Variants in FAT1 observed in about 807,000 individuals in gnomAD.
FAT1 encodes the protein FAT atypical cadherin 1.
A neutral mutation model predicts 329.8 loss-of-function variants in FAT1; 171 were observed. That is an observed-to-expected ratio of 0.52 (90% CI 0.46 to 0.59). The LOEUF is 0.59. Among genes scored for constraint, FAT1 ranks in the 20% least tolerant of loss-of-function variants. The pLI is 0.00. For synonymous variants in FAT1, 2,233 were observed against 2,228.6 expected, an observed-to-expected ratio of 1.00 and a Z score of -0.06; for missense variants, 5,672 against 5,774.4, an observed-to-expected ratio of 0.98 and a Z score of 0.57.
At position 186,600,090 on chromosome 4, in the gene FAT1, T is replaced by G. The variant is rs772176849; in HGVS notation, c.11911A>C (p.Asn3971His). ...GAGTCCATACAACCCCTGAAACCAT[T>G]ACCAACTTGAGGACTTCTTCCATGC... ...TRHGRSPQVG[N>H]GFRGCMDSIY... The change falls in exon 22 of 27, where the codon AAT (asparagine) becomes CAT (histidine). Residue 3971 changes from asparagine (N) to histidine (H), a missense_variant. Asn to His is a moderately conservative substitution (Grantham distance 68). This residue lies in a region of FAT1 where 1,706 missense variants were observed against 1,859.1 expected (regional missense o/e 0.92). Coordinates refer to ENST00000441802, the MANE Select transcript of FAT1 (RefSeq NM_005245.4). The G allele has an allele frequency of 3.7e-6, 6 of 1,613,906 alleles. No homozygotes were observed. The African/African-American group carries it at 5.3e-5, about 14-fold the overall frequency.
chr4:186,707,715 C>A lies in FAT1; in HGVS notation c.2113G>T (p.Asp705Tyr), dbSNP rs200902471. 6.2e-7 allele frequency: 1 copy of A among 1,613,776 alleles called. No individual in the cohort carries two copies. The change falls in exon 2 of 27, where the codon GAT becomes TAT. Residue 705 changes from aspartate (D) to tyrosine (Y), a missense_variant. Physicochemically the swap from Asp to Tyr is radical, Grantham distance 160. Coordinates refer to ENST00000441802, the MANE Select transcript of FAT1 (RefSeq NM_005245.4). ...NQGEVEDIFFDSHSVNAHIPQ... is the reference protein window; with the variant it reads ...NQGEVEDIFFYSHSVNAHIPQ... Reference sequence around the variant, plus strand: ...ATGTGAGCATTGACAGAGTGAGAATCGAAGAAAATATCCTCCACCTCTCCC... The same window carrying A: ...ATGTGAGCATTGACAGAGTGAGAATAGAAGAAAATATCCTCCACCTCTCCC...
At chr4:186,717,450 C>G (rs1190226286) in intron 1 of FAT1, among the ~76,000 whole-genome samples, 1 of 152,196 alleles carries the variant, frequency 6.6e-6, no homozygotes, top group African/African-American at 2.4e-5. Flanking sequence ...TCTAGCAAGA[C>G]ATACTTTAAA....
intron 3 of FAT1, among the ~76,000 whole-genome samples, chr4:186,646,895 A>G (rs1741412534): frequency 6.6e-6 from 1 of 152,186 alleles, no homozygotes; most frequent in African/African-American, 2.4e-5. Context: ...CGTACCAATC[A>G]AGAGGCTCTG....
intron 22 of FAT1, among the ~76,000 whole-genome samples, chr4:186,599,523 GC>G (rs1738693306): frequency 6.6e-6 from 1 of 152,090 alleles, no homozygotes; most frequent in Non-Finnish European, 1.5e-5. Context: ...GGCCCCCTAC[GC>G]TGAGCCATTA....
intron 3 of FAT1, among the ~76,000 whole-genome samples, chr4:186,644,673 T>TATG (rs1560961755): frequency 6.6e-6 from 1 of 151,870 alleles, no homozygotes; most frequent in Non-Finnish European, 1.5e-5. Flanking sequence ...TCAGATCAGC[T>TATG]ATGTTTCAAT....
intron 3 of FAT1, among the ~76,000 whole-genome samples, chr4:186,659,206 T>C (rs1742052237): frequency 6.6e-6 from 1 of 152,188 alleles, no homozygotes; most frequent in Non-Finnish European, 1.5e-5. Flanking sequence ...CCTGGGTGTG[T>C]AGTAGGCTAG....
At chr4:186,608,618 A>G (rs1739250920) in intron 16 of FAT1, among the ~76,000 whole-genome samples, 1 of 152,072 alleles carries the variant, frequency 6.6e-6, no homozygotes, top group African/African-American at 2.4e-5. Context: ...GATAGAGGGG[A>G]GCAACTGACC....
chr4:186,650,606 T>C (rs1313781398), intron 3 of FAT1, among the ~76,000 whole-genome samples: 1 of 152,188 alleles, frequency 6.6e-6, no homozygotes, highest in African/African-American at 2.4e-5. Context: ...CAGAAAAACT[T>C]ACCTGTGCTC....
At chr4:186,616,954 A>G in intron 11 of FAT1, 51 bp downstream of exon 11, 1 of 1,514,110 alleles carries the variant, frequency 6.6e-7, no homozygotes, top group South Asian at 1.2e-5. Context: ...CATTGAAAGA[A>G]TTAAGAAATT....
Position 186,707,008 on chromosome 4 carries a change from A to G in FAT1, c.2820T>C (p.Leu940=), listed in dbSNP as rs2126684825. The change falls in exon 2 of 27, where the codon CTT becomes CTC. Residue 940 remains leucine, a synonymous_variant. Transcript: ENST00000441802. ...PNYRVKVRED[L]PEGTVIMWLE... Reference sequence around the variant, plus strand: ...ACCACATGATGACGGTTCCTTCTGGAAGATCCTCTCGGACTTTCACACGAT... The same window carrying G: ...ACCACATGATGACGGTTCCTTCTGGGAGATCCTCTCGGACTTTCACACGAT... The G allele has an allele frequency of 6.2e-7, 1 of 1,613,948 alleles. No homozygotes were observed. The highest frequency in any genetic ancestry group is 8.5e-7 in the Non-Finnish European group (1 of 1,179,870).
At chr4:186,601,222 T>C (rs975668600) in intron 21 of FAT1, 47 bp downstream of exon 21, 2 of 1,471,840 alleles carry the variant, frequency 1.4e-6, no homozygotes, top group African/African-American at 2.8e-5. Context: ...ATGAAATTTA[T>C]GGTTTGAAAG....
Position 186,600,185 on chromosome 4 carries a change from C to G in FAT1, c.11816G>C (p.Gly3939Ala). 1 of 1,614,060 alleles carries G rather than the reference C, an allele frequency of 6.2e-7. No individual in the cohort carries two copies. The highest frequency in any genetic ancestry group is 1.1e-5 in the South Asian group (1 of 91,078). ...QVHTASGTAP[G>A]TLKTLNLDNY... is the part of the protein sequence containing the mutation. ...ATCCAGGTTCAGGGTTTTCAGAGTC[C>G]CTGGGGCTGTGCCCGATGCAGTATG... is the stretch of plus-strand genomic sequence containing the variant. The change falls in exon 22 of 27, where the codon GGG (glycine) becomes GCG (alanine). Residue 3939 changes from glycine (G) to alanine (A), a missense_variant. Around this residue, in one of 2 missense-constraint regions of FAT1, gnomAD observed 1,706 missense variants for 1,859.1 expected, o/e 0.92. Transcript: ENST00000441802.
At chr4:186,598,273 A>G in intron 22 of FAT1, 148 bp from the exon 23 acceptor site, 1 of 705,468 alleles carries the variant, frequency 1.4e-6, no homozygotes, top group Admixed American at 3.3e-5. Context: ...TGGCTACATC[A>G]ACAAGCCTTC....
intron 3 of FAT1, among the ~76,000 whole-genome samples, chr4:186,662,032 C>CA (rs1742200700): frequency 6.6e-6 from 1 of 151,028 alleles, no homozygotes; most frequent in Non-Finnish European, 1.5e-5. Flanking sequence ...GCCAGCCCCC[C>CA]AAACACACAC....
At position 186,597,672 on chromosome 4, in the gene FAT1, A is replaced by C. The variant is rs1579292650; in HGVS notation, c.12368+10T>G. ...AGGTATGAACCTAAATTTTGAAAGA[A>C]ACCATTTACCTTTCTCCCCTAAAAC... is the stretch of plus-strand genomic sequence containing the variant. On this transcript the variant is annotated intron_variant, in intron 24 of 26. Transcript: ENST00000441802. 1 of 1,608,024 alleles carries C rather than the reference A, an allele frequency of 6.2e-7. No individual in the cohort carries two copies. Among genetic ancestry groups the C allele is most frequent in the Non-Finnish European group, 8.5e-7 (1 of 1,174,684 alleles).
rs780438297 is a variant in FAT1, at chr4:186,588,559, A to G, written c.*33T>C. The G allele has an allele frequency of 6.3e-7, 1 of 1,586,272 alleles. No homozygotes were observed. Among genetic ancestry groups the G allele is most frequent in the Admixed American group, 1.7e-5 (1 of 58,324 alleles). On this transcript the variant is annotated 3_prime_UTR_variant, in exon 27 of 27. Coordinates refer to ENST00000441802, the MANE Select transcript of FAT1 (RefSeq NM_005245.4). ...GATTACTCACATCACCTCTAGGTTC[A>G]CTAAAGTCAGGCACTTTGGGGGGAG...
chr4:186,607,297 C>T (rs1047138886), intron 16 of FAT1, among the ~76,000 whole-genome samples: 1 of 152,212 alleles, frequency 6.6e-6, no homozygotes, highest in African/African-American at 2.4e-5. Flanking sequence ...GTAGTTCCTG[C>T]TCAGCTTCCC....
intron 2 of FAT1, among the ~76,000 whole-genome samples, chr4:186,681,810 C>T (rs10002129): frequency 0.81 from 123,803 of 152,178 alleles, 50,705 homozygotes; most frequent in South Asian, 0.84. Flanking sequence ...TCATTTCAAA[C>T]ATGAAAGGAC....
At chr4:186,642,602 A>G (rs1229883421) in intron 3 of FAT1, among the ~76,000 whole-genome samples, 3 of 152,242 alleles carry the variant, frequency 2.0e-5, no homozygotes, top group Non-Finnish European at 4.4e-5. Flanking sequence ...ACATATTTAT[A>G]GGCAGCGTGT....
Sources: allele counts gnomAD v4.1 joint callset (sites outside exome capture counted in the v4.1 genomes callset), GRCh38; gene constraint gnomAD v4.1.1; regional missense constraint gnomAD v4.1.1; transcripts MANE v1.5; gene names NCBI Gene and HGNC (gene_info 2026-07-23, HGNC 2026-07-21).